IGSF11: variants seen among roughly 807,000 people sequenced by gnomAD.
IGSF11 encodes the protein CXADR like 1.
IGSF11 carries 22 observed loss-of-function variants against 41.0 expected under a neutral mutation model. The observed-to-expected ratio is 0.54, with a 90% CI of 0.38 to 0.77. The LOEUF is 0.77. Ranked by LOEUF, IGSF11 falls within the 30% of genes least tolerant of loss-of-function variation. The probability of loss-of-function intolerance (pLI) is 0.00; values close to 1 mark genes in which losing one functional copy is unlikely to be tolerated. For missense variants in IGSF11, 444 were observed against 530.8 expected (o/e 0.84, Z 1.61); for synonymous variants, 219 against 201.3 (o/e 1.09, Z -0.74).
At chr3:118,913,422 C>T (rs183421864) in intron 4 of IGSF11, among the ~76,000 whole-genome samples, 1 of 147,416 alleles carries the variant, frequency 6.8e-6, no homozygotes, top group African/African-American at 2.4e-5. Flanking sequence ...CTGCAAAAAG[C>T]AAAGGAAGGA....
At chr3:119,142,010 T>A (rs1352819366) in intron 1 of IGSF11, among the ~76,000 whole-genome samples, 1 of 152,066 alleles carries the variant, frequency 6.6e-6, no homozygotes, top group Non-Finnish European at 1.5e-5. Flanking sequence ...GCGCGGTGGC[T>A]CACGCTTGTA....
chr3:118,969,322 G>C (rs1264815167), intron 1 of IGSF11, among the ~76,000 whole-genome samples: 1 of 152,168 alleles, frequency 6.6e-6, no homozygotes, highest in Non-Finnish European at 1.5e-5. Flanking sequence ...AAAAGAGGAA[G>C]GAGACAGCTG....
chr3:119,110,758 CT>C (rs2077141745), intron 1 of IGSF11, among the ~76,000 whole-genome samples: 2 of 151,930 alleles, frequency 1.3e-5, no homozygotes, highest in African/African-American at 4.8e-5. Context: ...TTAGTGCTTC[CT>C]TCAGGAGCTC....
At chr3:118,947,654 T>A (rs768931387) in intron 1 of IGSF11, 1 of 152,178 alleles carries the variant, frequency 6.6e-6, no homozygotes, top group Non-Finnish European at 1.5e-5. Flanking sequence ...TGATTTCTGA[T>A]AAAGAACACA....
chr3:119,042,768 T>C (rs1941169273), intron 1 of IGSF11, among the ~76,000 whole-genome samples: 1 of 152,214 alleles, frequency 6.6e-6, no homozygotes, highest in South Asian at 2.1e-4. Flanking sequence ...GTACCCATCC[T>C]GCCAAATGTA....
At chr3:118,979,722 C>T (rs1188527480) in intron 1 of IGSF11, among the ~76,000 whole-genome samples, 1 of 152,050 alleles carries the variant, frequency 6.6e-6, no homozygotes, top group African/African-American at 2.4e-5. Flanking sequence ...ACAAAAGAAA[C>T]AATCAAAGGA....
At chr3:119,068,356 A>C (rs1942296392) in intron 1 of IGSF11, among the ~76,000 whole-genome samples, 1 of 152,220 alleles carries the variant, frequency 6.6e-6, no homozygotes, top group Non-Finnish European at 1.5e-5. Context: ...GCCCCCATGA[A>C]AACTTCATAG....
At chr3:119,058,138 T>C (rs2107447992) in intron 1 of IGSF11, among the ~76,000 whole-genome samples, 1 of 152,114 alleles carries the variant, frequency 6.6e-6, no homozygotes, top group South Asian at 2.1e-4. Context: ...CTAATTAAAC[T>C]CAAGAGCTTC....
chr3:118,982,025 G>T (rs1050006690), intron 1 of IGSF11: 8 of 152,274 alleles, frequency 5.3e-5, no homozygotes, highest in African/African-American at 1.9e-4. Flanking sequence ...TCTCTGCCCA[G>T]TCATGGCTCT....
Position 119,112,451 on chromosome 3 carries a change from C to T in IGSF11, c.-13-7246G>A, listed in dbSNP as rs559178854. 3.1e-4 allele frequency among the ~76,000 whole-genome samples: 47 copies of T among 152,252 alleles called. 2 individuals carry two copies. In the South Asian group the frequency reaches 6.0e-3, roughly 19 times the overall value. On this transcript the variant is annotated intron_variant, in intron 1 of 7. Transcript: ENST00000425327. ...CCGTTTCCTAAGCCTGTTGGAAAAG[C>T]GCAGTATTTGGGTGGGAGTGACCCG...
intron 1 of IGSF11, among the ~76,000 whole-genome samples, chr3:118,996,189 T>C (rs1048490339): frequency 2.6e-5 from 4 of 152,196 alleles, no homozygotes; most frequent in African/African-American, 7.2e-5. Flanking sequence ...TTCCCAAAAT[T>C]GAACTCTCTT....
At position 118,986,237 on chromosome 3, in the gene IGSF11, C is replaced by T. The variant is rs577259226; in HGVS notation, c.52+48294G>A. The stretch of plus-strand genomic sequence containing the variant: ...GCTGAATGAGAGCAAGTGCCCTCTA[C>T]CTTACGTGCAGAGGAACCAGTCATG... On this transcript the variant is annotated intron_variant, in intron 1 of 6. Coordinates refer to ENST00000393775, the MANE Select transcript of IGSF11 (RefSeq NM_001015887.3). 2.0e-5 allele frequency among the ~76,000 whole-genome samples: 3 copies of T among 152,284 alleles called. No homozygotes were observed. In the East Asian group the frequency reaches 5.8e-4, roughly 29 times the overall value.
At chr3:119,016,734 C>A (rs545713036) in intron 1 of IGSF11, among the ~76,000 whole-genome samples, 1 of 152,164 alleles carries the variant, frequency 6.6e-6, no homozygotes. Flanking sequence ...CCTTTCCACA[C>A]GACTATTTCT....
rs1035853307 is a variant in IGSF11, at chr3:119,091,996, G to GGA, written c.49+13147_49+13148insTC. Among the ~76,000 whole-genome samples, 37 of 87,876 alleles carry GGA rather than the reference G, an allele frequency of 4.2e-4. No homozygotes were observed. In the South Asian group the frequency reaches 4.5e-3, roughly 11 times the overall value. 57.7% of individuals were successfully genotyped at this position (87,876 alleles called of 152,430 possible). A position where few individuals can be genotyped will look rare whatever the true frequency, so the allele number is the denominator to read the frequency against. ...GTTTTTTGGTTTTTGGTTTTTTTGG[G>GGA]GGGGGGGGGTTGGTGGTTTTTTCTT... On this transcript the variant is annotated intron_variant, in intron 1 of 6. Coordinates refer to the IGSF11 transcript ENST00000354673.
chr3:119,069,796 T>C (rs990178338), intron 1 of IGSF11, among the ~76,000 whole-genome samples: 22 of 152,216 alleles, frequency 1.4e-4, no homozygotes, highest in Admixed American at 1.3e-4. Context: ...GGAGAAAATT[T>C]TTTACTTCTC....
chr3:119,125,521 C>T (rs906407527), intron 1 of IGSF11, among the ~76,000 whole-genome samples: 6 of 151,754 alleles, frequency 4.0e-5, no homozygotes, highest in African/African-American at 1.5e-4. Flanking sequence ...TTCACAAGGG[C>T]GGGACGGTGT....
chr3:119,071,786 T>C (rs1325461865), intron 1 of IGSF11, among the ~76,000 whole-genome samples: 2 of 152,198 alleles, frequency 1.3e-5, no homozygotes, highest in African/African-American at 4.8e-5. Context: ...TCATTTTTCT[T>C]TTTCAAGATT....
intron 1 of IGSF11, among the ~76,000 whole-genome samples, chr3:119,015,012 TTAAAA>T (rs1352330829): frequency 7.1e-6 from 1 of 141,138 alleles, no homozygotes; most frequent in East Asian, 2.0e-4. Context: ...GGAAGTATTT[TTAAAA>T]TAAACAGTTC....
At chr3:119,145,965 T>C (rs940462924) in exon 1 of IGSF11, 12 of 503,732 alleles carry the variant, frequency 2.4e-5, no homozygotes, top group African/African-American at 2.3e-4. Context: ...AATCGCCCCT[T>C]CTCAGGACAT....
Sources: gnomAD v4.1 joint callset for allele counts (sites outside exome capture counted in the v4.1 genomes callset) on GRCh38, gnomAD v4.1.1 for gene constraint, MANE v1.5 for transcripts, NCBI Gene and HGNC (gene_info 2026-07-23, HGNC 2026-07-21) for gene names.